Variants in TLN2 observed in about 807,000 individuals in gnomAD.
TLN2 encodes talin 2, also known as talin-2.
TLN2 carries 118 observed loss-of-function variants against 294.7 expected under a neutral mutation model. The observed-to-expected ratio is 0.40, with a 90% CI of 0.34 to 0.47. The LOEUF is 0.47. Among genes scored for constraint, TLN2 ranks in the 20% least tolerant of loss-of-function variants. TLN2 has a pLI of 0.84. For missense variants in TLN2, 3,083 were observed against 3,282.2 expected (o/e 0.94, Z 1.48); for synonymous variants, 1,431 against 1,304.5 (o/e 1.10, Z -2.09).
chr15:62,567,967 C>T (rs967898606), intron 1 of TLN2, among the ~76,000 whole-genome samples: 25 of 152,148 alleles, frequency 1.6e-4, no homozygotes, highest in Admixed American at 6.5e-4. Flanking sequence ...TCCCTCTTCC[C>T]GTTCCCCCTG....
chr15:62,713,142 G>A (rs1474053561), intron 22 of TLN2, among the ~76,000 whole-genome samples: 11 of 151,622 alleles, frequency 7.3e-5, no homozygotes, highest in East Asian at 3.9e-4. Context: ...GGTGGTGTTC[G>A]CCTGTAATTC....
intron 1 of TLN2, among the ~76,000 whole-genome samples, chr15:62,417,408 C>T (rs989338269): frequency 6.6e-6 from 1 of 152,152 alleles, no homozygotes; most frequent in African/African-American, 2.4e-5. Flanking sequence ...GCGTATTATG[C>T]TTCCTCTCAT....
chr15:62,812,551 C>T (rs1020127719), intron 52 of TLN2, among the ~76,000 whole-genome samples: 2 of 152,142 alleles, frequency 1.3e-5, no homozygotes, highest in Non-Finnish European at 2.9e-5. Flanking sequence ...ATTCTTTCTT[C>T]GTAAGGAAGG....
chr15:62,603,989 T>C (rs568588161), intron 2 of TLN2, among the ~76,000 whole-genome samples: 2 of 152,238 alleles, frequency 1.3e-5, no homozygotes, highest in African/African-American at 2.4e-5. Flanking sequence ...AAAGCAGGCA[T>C]AGACAAGTCA....
At chr15:62,715,608 G>A (rs575286220) in intron 22 of TLN2, among the ~76,000 whole-genome samples, 10 of 152,268 alleles carry the variant, frequency 6.6e-5, no homozygotes, top group Non-Finnish European at 1.2e-4. Flanking sequence ...TCAACTAAAA[G>A]CAACAAAGTA....
rs1223188025 is a variant in TLN2, at chr15:62,704,502, C to T, written c.2004+1638C>T. On this transcript the variant is annotated intron_variant, in intron 19 of 58. Coordinates refer to ENST00000636159, the MANE Select transcript of TLN2 (RefSeq NM_015059.3). ...AGATGGGATCATGTATGTTGTGAGA[C>T]ATGAAACTTCAACCTTCATCCATAG... Among the ~76,000 whole-genome samples the T allele has an allele frequency of 2.6e-5, 4 of 152,198 alleles. 1 individual carries two copies. Among genetic ancestry groups the T allele is most frequent in the African/African-American group, 9.7e-5 (4 of 41,440 alleles).
intron 16 of TLN2, 62 bp downstream of exon 16, chr15:62,698,929 ACT>A: frequency 6.8e-7 from 1 of 1,463,800 alleles, no homozygotes. Context: ...AGGGTTATAT[ACT>A]CTGTCGGGAT....
intron 1 of TLN2, among the ~76,000 whole-genome samples, chr15:62,585,149 C>T (rs978829769): frequency 2.0e-5 from 3 of 152,178 alleles, no homozygotes; most frequent in African/African-American, 7.2e-5. Context: ...ACATCCTGCA[C>T]ACTCCAGATC....
intron 1 of TLN2, among the ~76,000 whole-genome samples, chr15:62,419,324 C>G (rs1208369966): frequency 2.0e-5 from 3 of 152,170 alleles, no homozygotes; most frequent in Non-Finnish European, 4.4e-5. Flanking sequence ...ATACACAGCT[C>G]ACATTATATT....
At chr15:62,711,811 G>C (rs966228859) in intron 21 of TLN2, 100 bp from the exon 22 acceptor site, 5 of 1,367,246 alleles carry the variant, frequency 3.7e-6, no homozygotes, top group Non-Finnish European at 3.9e-6. Context: ...TTTTGCTCCT[G>C]CTTACCAGAG....
intron 11 of TLN2, chr15:62,682,782 C>T (rs866699185): frequency 6.6e-6 from 1 of 152,116 alleles, no homozygotes; most frequent in Admixed American, 6.5e-5. Context: ...AGCATAAAAT[C>T]TTGTTTTATT....
intron 1 of TLN2, among the ~76,000 whole-genome samples, chr15:62,522,146 GGT>G (rs2040492834): frequency 2.0e-5 from 3 of 152,254 alleles, no homozygotes; most frequent in East Asian, 3.9e-4. Context: ...CTTTGTCTTT[GGT>G]TCACAGTGTG....
intron 1 of TLN2, chr15:62,561,546 T>G (rs2042957721): frequency 6.6e-6 from 1 of 152,264 alleles, no homozygotes. Flanking sequence ...GCCCTTCTCT[T>G]GCATTACTGA....
At chr15:62,816,281 A>G (rs757940041) in intron 52 of TLN2, among the ~76,000 whole-genome samples, 3 of 152,198 alleles carry the variant, frequency 2.0e-5, no homozygotes, top group Non-Finnish European at 2.9e-5. Context: ...TTGCTCGTTT[A>G]TCATAGAGGA....
intron 9 of TLN2, among the ~76,000 whole-genome samples, chr15:62,672,686 G>T (rs965406591): frequency 9.2e-5 from 14 of 152,044 alleles, no homozygotes; most frequent in African/African-American, 3.1e-4. Context: ...TACATTTCCT[G>T]CCTCAGACCA....
chr15:62,840,493 C>T lies in TLN2; in HGVS notation c.7512C>T (p.Ala2504=), dbSNP rs776554173. The T allele has an allele frequency of 3.7e-6, 6 of 1,613,952 alleles. No homozygotes were observed. In the African/African-American group the frequency reaches 4.0e-5, roughly 11 times the overall value. ...FVGGIAQIIA[A]QEEMLKKERE... Reference sequence around the variant, plus strand: ...TGCTTTCTTTCTAGATCATCGCCGCCCAGGAAGAAATGCTAAAGAAAGAGC... The same window carrying T: ...TGCTTTCTTTCTAGATCATCGCCGCTCAGGAAGAAATGCTAAAGAAAGAGC... Residue 2504 remains alanine (A), a synonymous_variant, in exon 59 of 59, where the codon GCC becomes GCT. Transcript: ENST00000636159.
intron 3 of TLN2, chr15:62,640,398 T>G: frequency 2.2e-6 from 1 of 455,232 alleles, no homozygotes; most frequent in South Asian, 1.6e-5. Context: ...GGTGGCCAGC[T>G]CTTACTCTTG....
chr15:62,767,775 T>G (rs1272298682), intron 41 of TLN2, among the ~76,000 whole-genome samples: 2 of 152,234 alleles, frequency 1.3e-5, no homozygotes, highest in Non-Finnish European at 2.9e-5. Flanking sequence ...TAAGGGAAAC[T>G]GAGTTTAGGA....
chr15:62,803,335 C>G (rs1193607329), intron 50 of TLN2, among the ~76,000 whole-genome samples: 1 of 152,162 alleles, frequency 6.6e-6, no homozygotes, highest in Non-Finnish European at 1.5e-5. Flanking sequence ...TCTTCTATAA[C>G]CTTCTTGTAC....
Sources: allele counts gnomAD v4.1 joint callset (sites outside exome capture counted in the v4.1 genomes callset), GRCh38; gene constraint gnomAD v4.1.1; transcripts MANE v1.5; gene names NCBI Gene and HGNC (gene_info 2026-07-23, HGNC 2026-07-21).